Variants in CAPN15 observed in about 807,000 individuals in gnomAD.
CAPN15 encodes the protein calpain 15.
CAPN15 carries 53 observed loss-of-function variants against 97.9 expected under a neutral mutation model. That is an observed-to-expected ratio of 0.54 (90% CI 0.43 to 0.68). The LOEUF is 0.68. CAPN15 is among the 30% of genes least tolerant of loss of function. CAPN15 has a pLI of 0.00. For missense variants in CAPN15, 1,592 were observed against 1,589.8 expected (o/e 1.00, Z -0.02); for synonymous variants, 922 against 722.5 (o/e 1.28, Z -4.43).
At position 535,124 on chromosome 16, in the gene CAPN15, C is replaced by G. The variant is rs1247837988; in HGVS notation, c.-136-905C>G. Among the ~76,000 whole-genome samples the G allele has an allele frequency of 6.6e-6, 1 of 152,144 alleles. No individual in the cohort carries two copies. The highest frequency in any genetic ancestry group is 1.5e-5 in the Non-Finnish European group (1 of 68,000). ...CCAGCTCCCCAGGTAGGGACGCTGA[C>G]CCCGGGAGGTGCCTTTGCCTGCATC... On this transcript the variant is annotated intron_variant, in intron 2 of 13. Coordinates refer to ENST00000219611, the MANE Select transcript of CAPN15 (RefSeq NM_005632.3). This position sits in a 1 kb window ranked among gnomAD's most constrained non-coding sequence, Gnocchi z 6.2.
rs1228158788 is a variant in CAPN15 at position 532,239 on chromosome 16, C to CA, written c.-189-1693dup. On this transcript the variant is annotated intron_variant, in intron 1 of 13. Coordinates refer to ENST00000219611, the MANE Select transcript of CAPN15 (RefSeq NM_005632.3). ...TAGGCGACAGAGCTATACTCCGTCTCAAAAAAAAAAAAAAGAAAAAAAAGT... is the reference window on the plus strand; with the variant it reads ...TAGGCGACAGAGCTATACTCCGTCTCAAAAAAAAAAAAAAAGAAAAAAAAGT... Among the ~76,000 whole-genome samples, 454 of 83,318 alleles carry CA rather than the reference C, an allele frequency of 5.4e-3. 3 individuals carry two copies. Among genetic ancestry groups the CA allele is most frequent in the Middle Eastern group, 0.022 (3 of 134 alleles). 54.7% of individuals were successfully genotyped at this position (83,318 alleles called of 152,430 possible). A position where few individuals can be genotyped will look rare whatever the true frequency, so the allele number is the denominator to read the frequency against.
chr16:547,970 C>G lies in CAPN15; in HGVS notation c.1132C>G (p.Pro378Ala), dbSNP rs745548319. ...CGGCTTCCAGGAGCATGGCGAGCCC[C>G]CCACCCACTGCCCCGACTGTGGGGC... ...LHGFQEHGEP[P>A]THCPDCGADK... The change falls in exon 4 of 14, where the codon CCC becomes GCC. Residue 378 changes from proline to alanine, a missense_variant. This residue lies in a region of CAPN15 where 883 missense variants were observed against 776.6 expected (regional missense o/e 1.14). Transcript: ENST00000219611. 12 of 1,585,486 alleles carry G rather than the reference C, an allele frequency of 7.6e-6. No individual in the cohort carries two copies. In the South Asian group the frequency reaches 9.1e-5, roughly 12 times the overall value.
At chr16:529,272 G>A (rs1777669306) in intron 1 of CAPN15, among the ~76,000 whole-genome samples, 1 of 152,138 alleles carries the variant, frequency 6.6e-6, no homozygotes, top group Non-Finnish European at 1.5e-5. Flanking sequence ...CTCTTGTCTG[G>A]GCCTCCACAG....
chr16:549,881 A>C, intron 7 of CAPN15, 43 bp downstream of exon 7: 3 of 1,457,042 alleles, frequency 2.1e-6, no homozygotes. Context: ...TTGGGAGGAG[A>C]GGCGAGGCGG....
At chr16:543,674 G>A (rs745928716) in intron 3 of CAPN15, among the ~76,000 whole-genome samples, 7 of 152,176 alleles carry the variant, frequency 4.6e-5, no homozygotes, top group South Asian at 4.1e-4. Context: ...AGAGATGGGC[G>A]AGAGCGGTGG....
chr16:538,184 G>C (rs992642164), intron 3 of CAPN15: 1 of 152,284 alleles, frequency 6.6e-6, no homozygotes. Flanking sequence ...GGGCAGGTGT[G>C]AGTACAGGGT....
chr16:531,763 A>T lies in CAPN15; in HGVS notation c.-189-2183A>T, dbSNP rs114653683. Among the ~76,000 whole-genome samples the T allele has an allele frequency of 4.8e-3, 734 of 151,408 alleles. 11 individuals carry two copies. Among genetic ancestry groups the T allele is most frequent in the African/African-American group, 0.017 (701 of 41,080 alleles). ...AGGTGCCCAGGGCCACACGGCTCCC[A>T]AGGCCCCCGTCCCCTTCTCTGGGGT... On this transcript the variant is annotated intron_variant, in intron 1 of 13. Transcript: ENST00000219611.
At chr16:551,964 G>A (rs1047928175) in intron 9 of CAPN15, 87 bp from the exon 10 acceptor site, 58 of 1,401,802 alleles carry the variant, frequency 4.1e-5, no homozygotes, top group Non-Finnish European at 5.3e-5. Context: ...ACCTGCTGGG[G>A]TCACCGGCCT....
At chr16:541,888 G>A (rs1366193614) in intron 3 of CAPN15, among the ~76,000 whole-genome samples, 1 of 132,534 alleles carries the variant, frequency 7.5e-6, no homozygotes, top group Non-Finnish European at 1.6e-5. Context: ...TGCAGAAGGT[G>A]CGTGGATGTG....
Position 547,250 on chromosome 16 carries a change from G to A in CAPN15, c.412G>A (p.Glu138Lys), listed in dbSNP as rs200344224. The A allele has an allele frequency of 1.4e-3, 2,189 of 1,513,904 alleles. 10 individuals are homozygous for A. Among genetic ancestry groups the A allele is most frequent in the Non-Finnish European group, 1.4e-3 (1,639 of 1,137,074 alleles). 93.8% of individuals were successfully genotyped at this position (1,513,904 alleles called of 1,614,324 possible). The change falls in exon 4 of 14, where the codon GAG becomes AAG. Residue 138 changes from glutamate (E) to lysine (K), a missense_variant. Transcript: ENST00000219611. ...GGAGAAGGAGGAGCAGGAGGAGGAG[G>A]AGGGAGCGGCGGAGCCCAGAGGGGG... ...EEEKEEQEEE[E>K]GAAEPRGGWA... is the part of the protein sequence containing the mutation.
chr16:544,757 CCCACGTCGCCTCCCCCACGTCGTCT>C (rs2034440877), intron 3 of CAPN15, among the ~76,000 whole-genome samples: 1 of 117,132 alleles, frequency 8.5e-6, no homozygotes, highest in Non-Finnish European at 1.8e-5. Context: ...CGTCGCCTCC[CCCACGTCGCCTCCCCCACGTCGTCT>C]CCCCCACGTC....
chr16:531,689 C>T (rs2033273068), intron 1 of CAPN15, among the ~76,000 whole-genome samples: 1 of 128,556 alleles, frequency 7.8e-6, no homozygotes, highest in Non-Finnish European at 1.7e-5. Context: ...GACAGGTGCC[C>T]CCAGGGCCAC....
Position 546,952 on chromosome 16 carries a change from C to G in CAPN15, c.114C>G (p.Ile38Met). ...APRHKPDLNH[I>M]LRLSVEEQKW... is the part of the protein sequence containing the mutation. ...GGCACAAGCCCGACCTCAACCACAT[C>G]CTGCGGCTCAGCGTGGAGGAGCAGA... The change falls in exon 4 of 14, where the codon ATC becomes ATG. Residue 38 changes from isoleucine (I) to methionine (M), a missense_variant. Around this residue, in one of 3 missense-constraint regions of CAPN15, gnomAD observed 883 missense variants for 776.6 expected, o/e 1.14. Transcript: ENST00000219611. 6.2e-7 allele frequency: 1 copy of G among 1,610,672 alleles called. No homozygotes were observed. Among genetic ancestry groups the G allele is most frequent in the Non-Finnish European group, 8.5e-7 (1 of 1,179,900 alleles).
intron 7 of CAPN15, among the ~76,000 whole-genome samples, 160 bp from the exon 8 acceptor site, chr16:551,126 TGTTGGTGAGGGCCCCG>T (rs1567157828): frequency 5.5e-4 from 22 of 40,086 alleles, no homozygotes; most frequent in African/African-American, 2.9e-3. Context: ...TGAGGGCCCC[TGTTGGTGAGGGCCCCG>T]GTCGGTGAGG....
At chr16:534,181 G>T (rs2033493648) in intron 2 of CAPN15, among the ~76,000 whole-genome samples, 183 bp downstream of exon 2, 2 of 152,286 alleles carry the variant, frequency 1.3e-5, no homozygotes, top group East Asian at 1.9e-4. Flanking sequence ...AGCCGTTTGG[G>T]CCGTGGTCCT....
chr16:542,470 G>A (rs530906363), intron 3 of CAPN15, among the ~76,000 whole-genome samples: 29 of 152,182 alleles, frequency 1.9e-4, no homozygotes, highest in African/African-American at 4.1e-4. Flanking sequence ...GATTCTGGCC[G>A]TCCCAGGGGG....
intron 3 of CAPN15, chr16:537,340 CT>C: frequency 1.0e-6 from 1 of 985,594 alleles, no homozygotes; most frequent in Non-Finnish European, 1.2e-6. Flanking sequence ...CTGGGCACCA[CT>C]TCTGCCTTGG....
intron 7 of CAPN15, among the ~76,000 whole-genome samples, chr16:550,711 G>GT (rs2034940002): frequency 7.2e-6 from 1 of 139,418 alleles, no homozygotes; most frequent in African/African-American, 2.7e-5. Context: ...GTCGGTGAGG[G>GT]TCCCCTGTCG....
In CAPN15 at chr16:547,638, C is replaced by G. The variant is rs1235271293; in HGVS notation, c.800C>G (p.Pro267Arg). The G allele has an allele frequency of 6.4e-7, 1 of 1,569,632 alleles. No homozygotes were observed. Among genetic ancestry groups the G allele is most frequent in the Non-Finnish European group, 8.6e-7 (1 of 1,158,966 alleles). ...GTGCCTGAGGCTGCCCAGCCGTCACCCTCTGCCGGCTGCAGGGGAGCCCCC... is the reference window on the plus strand; with the variant it reads ...GTGCCTGAGGCTGCCCAGCCGTCACGCTCTGCCGGCTGCAGGGGAGCCCCC... ...PPVPEAAQPS[P>R]SAGCRGAPQG... The change falls in exon 4 of 14, where the codon CCC becomes CGC. Residue 267 changes from proline (P) to arginine (R), a missense_variant. This residue lies in a region of CAPN15 where 883 missense variants were observed against 776.6 expected (regional missense o/e 1.14). Transcript: ENST00000219611.
Sources: gnomAD v4.1 joint callset for allele counts (sites outside exome capture counted in the v4.1 genomes callset) on GRCh38, gnomAD v4.1.1 for gene constraint, gnomAD v4.1.1 regional missense constraint, Gnocchi (gnomAD v3.1) non-coding constraint, MANE v1.5 for transcripts, NCBI Gene and HGNC (gene_info 2026-07-23, HGNC 2026-07-21) for gene names.